SCEL: variants seen among roughly 807,000 people sequenced by gnomAD.
SCEL encodes the protein sciellin.
Under a neutral mutation model 117.6 loss-of-function variants are expected in SCEL, and 113 were observed. The observed-to-expected ratio is 0.96, with a 90% CI of 0.83 to 1.12. The LOEUF (loss-of-function observed/expected upper bound fraction) is 1.12. Among genes scored for constraint, SCEL ranks in the 50% most tolerant of loss-of-function variants. The pLI, the probability that SCEL is intolerant of heterozygous loss-of-function variation, is 0.00. For missense variants in SCEL, 785 were observed against 810.8 expected (o/e 0.97, Z 0.39); for synonymous variants, 270 against 256.2 (o/e 1.05, Z -0.51).
intron 3 of SCEL, among the ~76,000 whole-genome samples, chr13:77,558,360 G>T (rs2084777442): frequency 6.6e-6 from 1 of 152,120 alleles, no homozygotes; most frequent in African/African-American, 2.4e-5. Context: ...AACATGTCTG[G>T]TATCTGCTCC....
intron 1 of SCEL, among the ~76,000 whole-genome samples, chr13:77,536,785 C>G (rs2083439903): frequency 6.6e-6 from 1 of 152,206 alleles, no homozygotes; most frequent in Admixed American, 6.5e-5. Context: ...CTGGCTCTAT[C>G]TGTAGTACTT....
intron 1 of SCEL, among the ~76,000 whole-genome samples, chr13:77,539,495 A>T (rs1421230072): frequency 6.6e-6 from 1 of 152,090 alleles, no homozygotes; most frequent in Non-Finnish European, 1.5e-5. Flanking sequence ...ATGCAATTTT[A>T]GTCAAAAGTT....
intron 31 of SCEL, among the ~76,000 whole-genome samples, chr13:77,641,132 G>T (rs1482225181): frequency 6.6e-6 from 1 of 152,086 alleles, no homozygotes; most frequent in African/African-American, 2.4e-5. Context: ...ATCAAAACAA[G>T]AAAATAAATT....
At chr13:77,547,614 T>A (rs1473965368) in intron 1 of SCEL, among the ~76,000 whole-genome samples, 1 of 152,170 alleles carries the variant, frequency 6.6e-6, no homozygotes, top group African/African-American at 2.4e-5. Context: ...CTTGATCAAC[T>A]CTCAGATCAT....
At chr13:77,633,442 CA>C (rs59939208) in intron 28 of SCEL, among the ~76,000 whole-genome samples, 534 of 30,024 alleles carry the variant, frequency 0.018, no homozygotes, top group Non-Finnish European at 0.03. Context: ...GACTCCGCCT[CA>C]AAAAAAAAAA....
chr13:77,547,574 G>A (rs1339267749), intron 1 of SCEL, among the ~76,000 whole-genome samples: 1 of 152,100 alleles, frequency 6.6e-6, no homozygotes, highest in Non-Finnish European at 1.5e-5. Flanking sequence ...TTGCACCCAG[G>A]GTTAGGTACC....
chr13:77,574,432 T>C (rs950863784), intron 9 of SCEL, among the ~76,000 whole-genome samples: 1 of 152,178 alleles, frequency 6.6e-6, no homozygotes, highest in Admixed American at 6.5e-5. Flanking sequence ...TCCATTCCAT[T>C]TTTAGAGTCA....
At chr13:77,629,362 T>C (rs2089924420) in intron 28 of SCEL, among the ~76,000 whole-genome samples, 1 of 142,726 alleles carries the variant, frequency 7.0e-6, no homozygotes, top group East Asian at 2.4e-4. Context: ...TCTCTGCTCT[T>C]CTGTTTGATA....
chr13:77,599,633 C>T lies in SCEL; in HGVS notation c.858-56C>T, dbSNP rs765831019. 5 of 1,270,330 alleles carry T rather than the reference C, an allele frequency of 3.9e-6. No individual in the cohort carries two copies. In the Admixed American group the frequency reaches 6.7e-5, roughly 17 times the overall value. The allele number at this position is 1,270,330 out of a possible 1,614,324, so 78.7% of individuals were successfully genotyped here. A position where few individuals can be genotyped will look rare whatever the true frequency, so the allele number is the denominator to read the frequency against. The stretch of plus-strand genomic sequence containing the variant: ...TTATTGCATTTGACCTTTCAAGATA[C>T]CACACAATTTCATTTCAGTATGCAG... On this transcript the variant is annotated intron_variant, in intron 14 of 32. Transcript: ENST00000349847.
chr13:77,560,738 TACAA>T (rs1384587671), intron 4 of SCEL, among the ~76,000 whole-genome samples: 4 of 152,186 alleles, frequency 2.6e-5, no homozygotes, highest in Non-Finnish European at 4.4e-5. Context: ...CTCACATCCA[TACAA>T]ACAACCACAC....
At chr13:77,557,026 A>G (rs1042016903) in intron 3 of SCEL, among the ~76,000 whole-genome samples, 2 of 152,228 alleles carry the variant, frequency 1.3e-5, no homozygotes, top group East Asian at 1.9e-4. Context: ...CCAGTTTCCA[A>G]AAAGGTAACA....
In SCEL at chr13:77,572,175, A is replaced by G. The variant is rs1462755525; in HGVS notation, c.531A>G (p.Thr177=). ...PPPGYNASSS[T]GTRRREPGVH... is the part of the protein sequence containing the mutation. Reference sequence around the variant, plus strand: ...CAGGTTACAATGCCTCCTCGAGCACAGGAACCAGGAGACGGTAAGGGAAAG... The same window carrying G: ...CAGGTTACAATGCCTCCTCGAGCACGGGAACCAGGAGACGGTAAGGGAAAG... The change falls in exon 9 of 33, where the codon ACA becomes ACG. Residue 177 remains threonine (T), a synonymous_variant. Coordinates refer to ENST00000349847, the MANE Select transcript of SCEL (RefSeq NM_144777.3). 9 of 1,611,150 alleles carry G rather than the reference A, an allele frequency of 5.6e-6. No homozygotes were observed. Among genetic ancestry groups the G allele is most frequent in the Non-Finnish European group, 7.6e-6 (9 of 1,178,506 alleles).
intron 1 of SCEL, among the ~76,000 whole-genome samples, chr13:77,553,780 T>C (rs1292015321): frequency 1.3e-5 from 2 of 151,972 alleles, no homozygotes; most frequent in African/African-American, 4.8e-5. Context: ...TGGGCAATAA[T>C]TAGACACTTT....
intron 1 of SCEL, among the ~76,000 whole-genome samples, chr13:77,543,537 C>A (rs78871182): frequency 0.054 from 8,212 of 152,178 alleles, 292 homozygotes; most frequent in Non-Finnish European, 0.079. Flanking sequence ...ATCCAAATGT[C>A]ACTCTATGTA....
intron 22 of SCEL, 66 bp from the exon 23 acceptor site, chr13:77,612,825 G>T: frequency 1.0e-6 from 1 of 957,674 alleles, no homozygotes; most frequent in Non-Finnish European, 1.6e-6. Flanking sequence ...TAATATTAAG[G>T]TTGAAAAAAT....
At chr13:77,602,295 C>G (rs2087766528) in intron 16 of SCEL, 171 bp downstream of exon 16, 2 of 527,760 alleles carry the variant, frequency 3.8e-6, no homozygotes, top group Non-Finnish European at 6.7e-6. Flanking sequence ...CATAGGACCT[C>G]TGATTTGAGT....
intron 1 of SCEL, among the ~76,000 whole-genome samples, chr13:77,552,876 A>G (rs935056678): frequency 6.6e-6 from 1 of 152,166 alleles, no homozygotes; most frequent in Non-Finnish European, 1.5e-5. Context: ...ATCTTGAATT[A>G]ATTTTTGTAT....
chr13:77,629,044 T>G lies in SCEL; in HGVS notation c.1691+1035T>G, dbSNP rs111855330. Among the ~76,000 whole-genome samples, 786 of 152,300 alleles carry G rather than the reference T, an allele frequency of 5.2e-3. 9 individuals carry two copies. Among genetic ancestry groups the G allele is most frequent in the African/African-American group, 0.018 (749 of 41,580 alleles). On this transcript the variant is annotated intron_variant, in intron 28 of 32. Transcript: ENST00000349847. ...TGATTGGGGTAAAAAAAATTACAAG[T>G]AAATTATTACGTAAAATTAAGGAAT...
chr13:77,562,998 G>A (rs375239848), intron 4 of SCEL, among the ~76,000 whole-genome samples: 1 of 152,102 alleles, frequency 6.6e-6, no homozygotes, highest in Non-Finnish European at 1.5e-5. Context: ...ATATCATAGG[G>A]TTATATGAGG....
Sources: gnomAD v4.1 joint callset for allele counts (sites outside exome capture counted in the v4.1 genomes callset) on GRCh38, gnomAD v4.1.1 for gene constraint, MANE v1.5 for transcripts, NCBI Gene and HGNC (gene_info 2026-07-23, HGNC 2026-07-21) for gene names.